KHDRBS2: variants seen among roughly 807,000 people sequenced by gnomAD.
KHDRBS2 encodes the protein KH RNA binding domain containing, signal transduction associated 2, also known as KH domain-containing, RNA-binding, signal transduction-associated protein 2.
A neutral mutation model predicts 44.3 loss-of-function variants in KHDRBS2; 26 were observed. That is an observed-to-expected ratio of 0.59 (90% CI 0.43 to 0.81). The LOEUF is 0.81. Ranked by LOEUF, KHDRBS2 falls within the 40% of genes least tolerant of loss-of-function variation. KHDRBS2 has a pLI of 0.00. For missense variants in KHDRBS2, 476 were observed against 433.1 expected, an observed-to-expected ratio of 1.10 and a Z score of -0.88; for synonymous variants, 194 against 151.1, an observed-to-expected ratio of 1.28 and a Z score of -2.08.
chr6:62,035,003 G>A (rs1258935891), intron 3 of KHDRBS2, among the ~76,000 whole-genome samples: 1 of 151,954 alleles, frequency 6.6e-6, no homozygotes, highest in Non-Finnish European at 1.5e-5. Context: ...ATAATAGCAA[G>A]GATGTGGAGA....
intron 6 of KHDRBS2, among the ~76,000 whole-genome samples, chr6:61,833,132 T>C (rs1373562308): frequency 6.6e-6 from 1 of 152,156 alleles, no homozygotes. Context: ...TTTACCAGAA[T>C]AGGTGCTTAA....
the KHDRBS2 span, among the ~76,000 whole-genome samples, chr6:61,636,959 A>G: frequency 6.6e-6 from 1 of 152,128 alleles, no homozygotes; most frequent in African/African-American, 2.4e-5. Flanking sequence ...CTAGGTCACT[A>G]TTTGTTGAAT....
At chr6:61,736,743 A>T (rs1237136970) in intron 6 of KHDRBS2, among the ~76,000 whole-genome samples, 3 of 151,874 alleles carry the variant, frequency 2.0e-5, no homozygotes, top group Non-Finnish European at 4.4e-5. Flanking sequence ...AATGCTACTG[A>T]TTCCTCAAGG....
intron 1 of KHDRBS2, among the ~76,000 whole-genome samples, chr6:62,225,627 C>A (rs780577732): frequency 6.6e-6 from 1 of 152,158 alleles, no homozygotes. Flanking sequence ...CCTACCAACT[C>A]GTCATGTAGG....
chr6:62,216,579 G>GAGTCTTT (rs1421542415), intron 1 of KHDRBS2, among the ~76,000 whole-genome samples: 5 of 151,564 alleles, frequency 3.3e-5, no homozygotes, highest in Non-Finnish European at 7.4e-5. Context: ...AGTTCCACAG[G>GAGTCTTT]AGTCTTTATA....
intron 2 of KHDRBS2, among the ~76,000 whole-genome samples, chr6:62,099,720 C>A (rs1261387320): frequency 1.3e-5 from 2 of 152,120 alleles, no homozygotes; most frequent in Non-Finnish European, 2.9e-5. Flanking sequence ...GTCACAGAGA[C>A]CAGCCCAGCA....
intron 6 of KHDRBS2, among the ~76,000 whole-genome samples, chr6:61,757,860 G>A (rs1444070576): frequency 6.6e-6 from 1 of 152,070 alleles, no homozygotes; most frequent in Non-Finnish European, 1.5e-5. Flanking sequence ...AATAACGAAA[G>A]GTGTTTTCCA....
intron 2 of KHDRBS2, among the ~76,000 whole-genome samples, chr6:62,076,112 C>A (rs1366210467): frequency 6.6e-6 from 1 of 151,862 alleles, no homozygotes. Flanking sequence ...TATTTCTCCC[C>A]AACCCCATAT....
rs78083884 is a variant in KHDRBS2 at position 62,172,109 on chromosome 6, C to T, written c.219+5076G>A. 8.0e-3 allele frequency among the ~76,000 whole-genome samples: 1,212 copies of T among 151,984 alleles called. 17 individuals carry two copies. The highest frequency in any genetic ancestry group is 0.028 in the African/African-American group (1,146 of 41,466). ...CCTTGAATATAAATGGGTGAAATGCCCCAACTAAAAGGCACAGAACGGCAG... is the reference window on the plus strand; with the variant it reads ...CCTTGAATATAAATGGGTGAAATGCTCCAACTAAAAGGCACAGAACGGCAG... On this transcript the variant is annotated intron_variant, in intron 2 of 8. Coordinates refer to ENST00000281156, the MANE Select transcript of KHDRBS2 (RefSeq NM_152688.4).
intron 6 of KHDRBS2, among the ~76,000 whole-genome samples, chr6:61,844,174 A>G (rs573387436): frequency 1.3e-5 from 2 of 152,292 alleles, no homozygotes; most frequent in East Asian, 3.9e-4. Flanking sequence ...GCCTCAAATT[A>G]CCATATTTCT....
At chr6:62,183,166 G>A (rs1487413008) in intron 1 of KHDRBS2, among the ~76,000 whole-genome samples, 2 of 151,654 alleles carry the variant, frequency 1.3e-5, no homozygotes, top group African/African-American at 4.8e-5. Flanking sequence ...AAGTTATTTT[G>A]TGGTGATTAT....
At chr6:62,066,023 T>C (rs1305887955) in intron 2 of KHDRBS2, among the ~76,000 whole-genome samples, 3 of 151,664 alleles carry the variant, frequency 2.0e-5, no homozygotes. Flanking sequence ...TCATCCTGTG[T>C]GGAGAGTCCT....
At chr6:61,718,230 C>G (rs1224080673) in intron 7 of KHDRBS2, among the ~76,000 whole-genome samples, 1 of 152,094 alleles carries the variant, frequency 6.6e-6, no homozygotes, top group Admixed American at 6.6e-5. Flanking sequence ...GGCTCTGACC[C>G]TTGAGGAGCT....
chr6:61,656,831 A>T, the KHDRBS2 span, among the ~76,000 whole-genome samples: 3 of 151,952 alleles, frequency 2.0e-5, no homozygotes, highest in African/African-American at 7.2e-5. Flanking sequence ...TACTTTTGAA[A>T]CATTCCTAAA....
the KHDRBS2 span, among the ~76,000 whole-genome samples, chr6:61,587,370 T>TCTCA: frequency 6.6e-6 from 1 of 151,760 alleles, no homozygotes; most frequent in African/African-American, 2.4e-5. Flanking sequence ...TTTATCTCTC[T>TCTCA]CTCTCTCTCT....
At chr6:61,816,782 A>G (rs1582989016) in intron 6 of KHDRBS2, 1 of 371,872 alleles carries the variant, frequency 2.7e-6, no homozygotes, top group South Asian at 2.0e-5. Context: ...TATTCATTCA[A>G]GGTGACATTT....
intron 7 of KHDRBS2, among the ~76,000 whole-genome samples, chr6:61,713,434 G>A (rs189451945): frequency 1.7e-3 from 263 of 151,776 alleles, no homozygotes; most frequent in Admixed American, 3.1e-3. Flanking sequence ...AAGATATAAA[G>A]TGTGTTGTTA....
chr6:62,146,456 C>T (rs1813955382), intron 2 of KHDRBS2, among the ~76,000 whole-genome samples: 1 of 143,744 alleles, frequency 7.0e-6, no homozygotes, highest in Non-Finnish European at 1.6e-5. Context: ...CTACTTTATA[C>T]ATGGATTTTA....
chr6:62,073,061 T>C (rs538799826), intron 2 of KHDRBS2, among the ~76,000 whole-genome samples: 61 of 152,162 alleles, frequency 4.0e-4, no homozygotes, highest in African/African-American at 1.3e-3. Flanking sequence ...CTTCCTGGTT[T>C]AGTCTTGGGA....
Sources: gnomAD v4.1 joint callset for allele counts (sites outside exome capture counted in the v4.1 genomes callset) on GRCh38, gnomAD v4.1.1 for gene constraint, MANE v1.5 for transcripts, NCBI Gene and HGNC (gene_info 2026-07-23, HGNC 2026-07-21) for gene names.